Variants in MAD1L1 observed in about 807,000 individuals in gnomAD.
MAD1L1 encodes mitotic arrest deficient 1 like 1, also known as mitotic spindle assembly checkpoint protein MAD1.
Under a neutral mutation model 96.9 loss-of-function variants are expected in MAD1L1, and 95 were observed. The observed-to-expected ratio is 0.98, with a 90% CI of 0.83 to 1.16. The LOEUF is 1.16. MAD1L1 is among the 50% of genes most tolerant of loss of function. MAD1L1 has a pLI of 0.00. For synonymous variants in MAD1L1, 473 were observed against 396.6 expected (o/e 1.19, Z -2.29); for missense variants, 1,007 against 954.4 (o/e 1.06, Z -0.73).
At chr7:2,093,846 G>C (rs761038904) in intron 11 of MAD1L1, among the ~76,000 whole-genome samples, 2 of 152,186 alleles carry the variant, frequency 1.3e-5, no homozygotes. Context: ...TGTGGGGCAC[G>C]GGGCAACAGA....
In MAD1L1 at chr7:1,844,797, TAC is replaced by T. The variant is rs2128635332; in HGVS notation, c.1999-28571_1999-28570del. On this transcript the variant is annotated intron_variant, in intron 18 of 18. Transcript: ENST00000265854. ...CTGCAGGGGTGGAGGGGCGCGTGGG[TAC>T]AGTCAGCAGGGCTGTGGCCGTACCG... Among the ~76,000 whole-genome samples, 2 of 152,230 alleles carry T rather than the reference TAC, an allele frequency of 1.3e-5. 1 individual carries two copies. Among genetic ancestry groups the T allele is most frequent in the South Asian group, 4.1e-4 (2 of 4,822 alleles).
At chr7:2,071,549 T>C (rs11771283) in intron 11 of MAD1L1, among the ~76,000 whole-genome samples, 50,896 of 152,162 alleles carry the variant, frequency 0.33, 10,418 homozygotes, top group East Asian at 0.66. Context: ...CTGCAGCCCC[T>C]GGGCAGCTGC....
At chr7:1,882,926 ACCAGC>A (rs1785777645) in intron 18 of MAD1L1, among the ~76,000 whole-genome samples, 3 of 147,308 alleles carry the variant, frequency 2.0e-5, no homozygotes, top group African/African-American at 8.0e-5. Context: ...GGCCCCAGGA[ACCAGC>A]TCTTTAACAC....
chr7:1,879,155 A>G (rs1197793421), intron 18 of MAD1L1, among the ~76,000 whole-genome samples: 3 of 152,236 alleles, frequency 2.0e-5, no homozygotes, highest in Non-Finnish European at 4.4e-5. Context: ...ATTTTCATGG[A>G]TTGGAACACA....
rs1222923945 is a variant in MAD1L1 at position 2,105,969 on chromosome 7, G to GCCCTGC, written c.1074-36637_1074-36632dup. ...ACAACCAAAGGGCACCAACACCTCA[G>GCCCTGC]CCCTGCCCCTGCCCCTGCCCCACAT... On this transcript the variant is annotated intron_variant, in intron 11 of 18. Coordinates refer to ENST00000265854, the MANE Select transcript of MAD1L1 (RefSeq NM_001013836.2). 4.0e-3 allele frequency among the ~76,000 whole-genome samples: 551 copies of GCCCTGC among 136,970 alleles called. 5 individuals are homozygous for GCCCTGC. Among genetic ancestry groups the GCCCTGC allele is most frequent in the African/African-American group, 0.014 (518 of 37,738 alleles). The allele number at this position is 136,970 out of a possible 152,430, so 89.9% of individuals were successfully genotyped here.
At chr7:1,924,873 T>C (rs570580647) in intron 17 of MAD1L1, among the ~76,000 whole-genome samples, 12 of 152,150 alleles carry the variant, frequency 7.9e-5, no homozygotes, top group African/African-American at 2.9e-4. Context: ...CCACCTGAAA[T>C]GATAAAATAT....
At chr7:1,887,108 G>A (rs556481332) in intron 18 of MAD1L1, among the ~76,000 whole-genome samples, 122 of 152,362 alleles carry the variant, frequency 8.0e-4, no homozygotes, top group African/African-American at 2.9e-3. Flanking sequence ...GGGGGGCTCC[G>A]GCTGGGCCCA....
intron 12 of MAD1L1, among the ~76,000 whole-genome samples, chr7:2,050,169 G>A (rs1365351643): frequency 2.2e-5 from 3 of 135,100 alleles, no homozygotes; most frequent in Admixed American, 7.4e-5. Flanking sequence ...CACGTTCACG[G>A]GGCACCTCAC....
chr7:2,132,019 G>A (rs551905962), intron 11 of MAD1L1, among the ~76,000 whole-genome samples: 3 of 152,314 alleles, frequency 2.0e-5, no homozygotes, highest in Non-Finnish European at 4.4e-5. Flanking sequence ...GACGCTCAGC[G>A]TGGTCCCTCT....
At chr7:2,067,024 C>T (rs574081355) in intron 12 of MAD1L1, among the ~76,000 whole-genome samples, 2 of 152,364 alleles carry the variant, frequency 1.3e-5, no homozygotes, top group African/African-American at 4.8e-5. Flanking sequence ...AAGACCCAGG[C>T]CACGCATGGA....
At chr7:2,106,134 C>T (rs1379386246) in intron 11 of MAD1L1, among the ~76,000 whole-genome samples, 1 of 151,950 alleles carries the variant, frequency 6.6e-6, no homozygotes, top group Admixed American at 6.6e-5. Flanking sequence ...CACACAGTCC[C>T]GCCTCCCACC....
chr7:1,819,463 G>T (rs1399939357), intron 18 of MAD1L1, among the ~76,000 whole-genome samples: 4 of 152,194 alleles, frequency 2.6e-5, no homozygotes, highest in Non-Finnish European at 5.9e-5. Context: ...CGCTGGCCTG[G>T]CCTGGGGCTC....
intron 14 of MAD1L1, among the ~76,000 whole-genome samples, chr7:1,989,976 G>T (rs1781333121): frequency 6.6e-6 from 1 of 152,242 alleles, no homozygotes; most frequent in Admixed American, 6.5e-5. Flanking sequence ...TTGGGAAGAT[G>T]CAGGGTGTGC....
At chr7:1,898,859 C>G (rs1787063040) in intron 17 of MAD1L1, among the ~76,000 whole-genome samples, 1 of 152,198 alleles carries the variant, frequency 6.6e-6, no homozygotes, top group South Asian at 2.1e-4. Flanking sequence ...GGTCCCAAAG[C>G]GAAGGCCTGG....
At chr7:1,963,553 C>T (rs1034932918) in intron 15 of MAD1L1, among the ~76,000 whole-genome samples, 7 of 152,204 alleles carry the variant, frequency 4.6e-5, no homozygotes, top group Admixed American at 1.3e-4. Context: ...CACTTGACAT[C>T]GCGCAGCTTA....
intron 11 of MAD1L1, among the ~76,000 whole-genome samples, chr7:2,123,591 C>T (rs1329539174): frequency 6.6e-6 from 1 of 152,166 alleles, no homozygotes; most frequent in African/African-American, 2.4e-5. Flanking sequence ...CCAGCCCCGC[C>T]AAGGGCACGC....
Position 2,028,253 on chromosome 7 carries a change from G to T in MAD1L1, c.1219-13611C>A, listed in dbSNP as rs532619723. Among the ~76,000 whole-genome samples the T allele has an allele frequency of 2.0e-5, 3 of 151,784 alleles. No homozygotes were observed. The South Asian group carries it at 6.3e-4, about 32-fold the overall frequency. On this transcript the variant is annotated intron_variant, in intron 12 of 18. Transcript: ENST00000265854. ...ATCCTGGCTAACACGGCGAAACCCC[G>T]TCTCCACTAAAAATACAAAAAATTA...
At chr7:2,045,564 C>T (rs1783882794) in intron 12 of MAD1L1, among the ~76,000 whole-genome samples, 1 of 152,220 alleles carries the variant, frequency 6.6e-6, no homozygotes, top group Admixed American at 6.5e-5. Flanking sequence ...GGAGGCTAAC[C>T]AGTGGATCTA....
At chr7:1,851,380 G>A (rs148642877) in intron 18 of MAD1L1, among the ~76,000 whole-genome samples, 77 of 152,304 alleles carry the variant, frequency 5.1e-4, no homozygotes, top group African/African-American at 1.7e-3. Context: ...TCGAGGTCAC[G>A]GGAAACCCCG....
Sources: allele counts gnomAD v4.1 joint callset (sites outside exome capture counted in the v4.1 genomes callset), GRCh38; gene constraint gnomAD v4.1.1; transcripts MANE v1.5; gene names NCBI Gene and HGNC (gene_info 2026-07-23, HGNC 2026-07-21).